Variants in FHAD1 observed in about 807,000 individuals in gnomAD.
FHAD1 encodes the protein forkhead associated phosphopeptide binding domain 1.
In FHAD1, 146 loss-of-function variants were observed where a neutral mutation model predicts 191.3. The ratio of observed to expected loss-of-function variants is 0.76; its 90% CI spans 0.67 to 0.88. FHAD1 has a LOEUF of 0.88. FHAD1 is among the 40% of genes least tolerant of loss of function. The probability of loss-of-function intolerance (pLI) is 0.00; values close to 1 mark genes in which losing one functional copy is unlikely to be tolerated. For missense variants in FHAD1, 1,635 were observed against 1,785.8 expected (o/e 0.92, Z 1.52); for synonymous variants, 616 against 672.3 (o/e 0.92, Z 1.29).
downstream of FHAD1, chr1:15,403,005 A>C (rs532433259): frequency 6.6e-6 from 1 of 152,344 alleles, no homozygotes; most frequent in East Asian, 1.9e-4. Context: ...TTTATTTATA[A>C]AAATAGGAAG....
In FHAD1 at chr1:15,276,225, C is replaced by T. The variant is rs183584954; in HGVS notation, c.300+3696C>T. On this transcript the variant is annotated intron_variant, in intron 3 of 33. Coordinates refer to ENST00000688493, the MANE Select transcript of FHAD1 (RefSeq NM_001391957.1). This position sits in a 1 kb window ranked among gnomAD's most constrained non-coding sequence, Gnocchi z 4.7. Reference sequence around the variant, plus strand: ...CATGTGGGGTTACTGTAGTAGTAAACGGGTCATTGTTTGCAAATTGCTTAG... The same window carrying T: ...CATGTGGGGTTACTGTAGTAGTAAATGGGTCATTGTTTGCAAATTGCTTAG... 3.3e-5 allele frequency among the ~76,000 whole-genome samples: 5 copies of T among 152,270 alleles called. No homozygotes were observed. The highest frequency in any genetic ancestry group is 1.9e-4 in the East Asian group (1 of 5,178).
intron 21 of FHAD1, 42 bp downstream of exon 21, chr1:15,358,325 A>G (rs1283845025): frequency 2.5e-5 from 38 of 1,507,056 alleles, no homozygotes; most frequent in Admixed American, 5.2e-5. Context: ...TTTTCTCTCA[A>G]TGGAAGATTA....
chr1:15,238,887 G>A (rs961064067), intron 1 of FHAD1, among the ~76,000 whole-genome samples: 7 of 152,204 alleles, frequency 4.6e-5, no homozygotes, highest in Non-Finnish European at 7.4e-5. Context: ...AGGTCTTCTT[G>A]GACAATAGTC....
At chr1:15,248,555 A>T (rs1646379410) in intron 1 of FHAD1, among the ~76,000 whole-genome samples, 1 of 151,184 alleles carries the variant, frequency 6.6e-6, no homozygotes, top group South Asian at 2.1e-4. Flanking sequence ...CCAGTGCCCA[A>T]CCTTTGCCCT....
In FHAD1 at chr1:15,374,452, G is replaced by C. The variant is rs550528496; in HGVS notation, c.3448-50G>C. 158 of 1,546,078 alleles carry C rather than the reference G, an allele frequency of 1.0e-4. No homozygotes were observed. The South Asian group carries it at 1.7e-3, about 17-fold the overall frequency. The stretch of plus-strand genomic sequence containing the variant: ...TGTTCACATTTCTGTGAATGTAAGA[G>C]AAATCTTCTAATCCCTGATCAAATG... On this transcript the variant is annotated intron_variant, in intron 26 of 33. Coordinates refer to ENST00000688493, the MANE Select transcript of FHAD1 (RefSeq NM_001391957.1).
intron 1 of FHAD1, among the ~76,000 whole-genome samples, chr1:15,237,344 T>C (rs1644890579): frequency 1.3e-5 from 2 of 152,122 alleles, no homozygotes; most frequent in Non-Finnish European, 2.9e-5. Context: ...TTGCGTAGCC[T>C]CCCTCATTCC....
chr1:15,258,714 C>T lies in FHAD1; in HGVS notation c.93+6837C>T, dbSNP rs567273816. On this transcript the variant is annotated intron_variant, in intron 2 of 33. Transcript: ENST00000688493. ...GATTCTCCTGCCTCAGCCTCCTGAG[C>T]AGCTGGGACTATAGGCATGTACCAC... is the stretch of plus-strand genomic sequence containing the variant. Among the ~76,000 whole-genome samples, 172 of 151,634 alleles carry T rather than the reference C, an allele frequency of 1.1e-3. 1 individual carries two copies. Among genetic ancestry groups the T allele is most frequent in the African/African-American group, 4.0e-3 (164 of 41,260 alleles).
In FHAD1 at chr1:15,345,098, A is replaced by G. The variant is rs765547587; in HGVS notation, c.2146A>G (p.Ile716Val). 2 of 1,551,622 alleles carry G rather than the reference A, an allele frequency of 1.3e-6. No homozygotes were observed. Among genetic ancestry groups the G allele is most frequent in the Non-Finnish European group, 8.7e-7 (1 of 1,146,894 alleles). Reference sequence around the variant, plus strand: ...TGGTTTCCAGGCTTTGGAGGAGTACATTACTCAAGAGAGAAACAGAGCGAA... The same window carrying G: ...TGGTTTCCAGGCTTTGGAGGAGTACGTTACTCAAGAGAGAAACAGAGCGAA... ...TEEKAALEEY[I>V]TQERNRAKET... The change falls in exon 17 of 34, where the codon ATT (isoleucine) becomes GTT (valine). Residue 716 changes from isoleucine to valine, a missense_variant. Ile to Val is a conservative substitution (Grantham distance 29, BLOSUM62 3). Transcript: ENST00000688493.
chr1:15,261,037 A>C (rs770590735), intron 2 of FHAD1, among the ~76,000 whole-genome samples: 5 of 152,188 alleles, frequency 3.3e-5, no homozygotes, highest in Non-Finnish European at 5.9e-5. Context: ...AGAGCTTTTC[A>C]GAGGAATCAG....
intron 20 of FHAD1, among the ~76,000 whole-genome samples, chr1:15,353,531 C>G (rs538115320): frequency 1.1e-3 from 163 of 151,672 alleles, no homozygotes; most frequent in African/African-American, 3.8e-3. Flanking sequence ...ATGGTGAAAC[C>G]CCATCTCTAC....
chr1:15,329,313 G>A lies in FHAD1; in HGVS notation c.1711-33G>A. On this transcript the variant is annotated intron_variant, in intron 13 of 33. Transcript: ENST00000688493. The surrounding 1 kb of genome is among the most constrained non-coding windows in gnomAD (Gnocchi z 5.0). ...GTCAGGGGCTATTTCTGGCCACAGGGCCTGGGCTCCTCATGATCTCACCTC... is the reference window on the plus strand; with the variant it reads ...GTCAGGGGCTATTTCTGGCCACAGGACCTGGGCTCCTCATGATCTCACCTC... 2 of 1,512,028 alleles carry A rather than the reference G, an allele frequency of 1.3e-6. No individual in the cohort carries two copies. Among genetic ancestry groups the A allele is most frequent in the Non-Finnish European group, 1.8e-6 (2 of 1,119,586 alleles). The allele number at this position is 1,512,028 out of a possible 1,614,324, so 93.7% of individuals were successfully genotyped here.
chr1:15,237,920 T>C (rs1011082786), intron 1 of FHAD1, among the ~76,000 whole-genome samples: 12 of 152,008 alleles, frequency 7.9e-5, no homozygotes, highest in Non-Finnish European at 1.6e-4. Context: ...CAGCGAGCGA[T>C]GGGGATGACC....
rs566817796 is a variant in FHAD1 at position 15,329,132 on chromosome 1, C to A, written c.1711-214C>A. 2.3e-6 allele frequency: 1 copy of A among 431,722 alleles called. No homozygotes were observed. Among genetic ancestry groups the A allele is most frequent in the Non-Finnish European group, 4.2e-6 (1 of 240,192 alleles). 26.7% of individuals were successfully genotyped at this position (431,722 alleles called of 1,614,324 possible). On this transcript the variant is annotated intron_variant, in intron 13 of 33. Coordinates refer to ENST00000688493, the MANE Select transcript of FHAD1 (RefSeq NM_001391957.1). The surrounding 1 kb of genome is among the most constrained non-coding windows in gnomAD (Gnocchi z 5.0). Reference sequence around the variant, plus strand: ...TTTCATAGACCTAAAAGGGGGTTCGCTTTGACCATCAAAAGTCCAAATTAG... The same window carrying A: ...TTTCATAGACCTAAAAGGGGGTTCGATTTGACCATCAAAAGTCCAAATTAG...
chr1:15,336,013 G>A (rs1683902436), intron 14 of FHAD1, among the ~76,000 whole-genome samples: 1 of 152,156 alleles, frequency 6.6e-6, no homozygotes, highest in African/African-American at 2.4e-5. Context: ...AGTGGGCCAA[G>A]CCAATGTCAG....
chr1:15,380,794 C>G lies in FHAD1; in HGVS notation c.3799C>G (p.Leu1267Val). The change falls in exon 29 of 34, where the codon CTG becomes GTG. Residue 1267 changes from leucine (L) to valine (V), a missense_variant and splice_region_variant. Leu to Val is a conservative substitution (Grantham distance 32, BLOSUM62 1). Transcript: ENST00000688493. The part of the protein sequence containing the change: ...VAEALELSEK[L>V]YLDMSKTLGS... ...TGAGGCTTTAGAGCTCAGTGAAAAG[C>G]TGGTATGTACATCCAGCATCCACCC... is the stretch of plus-strand genomic sequence containing the variant. 1 of 1,551,264 alleles carries G rather than the reference C, an allele frequency of 6.4e-7. No individual in the cohort carries two copies. The highest frequency in any genetic ancestry group is 1.2e-5 in the South Asian group (1 of 84,050).
At chr1:15,255,943 A>T (rs1246209729) in intron 2 of FHAD1, among the ~76,000 whole-genome samples, 1 of 150,068 alleles carries the variant, frequency 6.7e-6, no homozygotes, top group Non-Finnish European at 1.5e-5. Context: ...CAGCAAGTGG[A>T]AGGCCTGCCT....
At chr1:15,332,246 G>A (rs558578097) in intron 14 of FHAD1, among the ~76,000 whole-genome samples, 13 of 152,252 alleles carry the variant, frequency 8.5e-5, no homozygotes, top group Middle Eastern at 3.4e-3. Flanking sequence ...GTAAAACATG[G>A]AGCAGAGTTC....
At chr1:15,380,082 G>A (rs1044593866) in intron 28 of FHAD1, among the ~76,000 whole-genome samples, 2 of 152,168 alleles carry the variant, frequency 1.3e-5, no homozygotes, top group African/African-American at 4.8e-5. Flanking sequence ...AAAGGAGGGG[G>A]GATGTTTTCT....
chr1:15,341,671 TG>T, intron 15 of FHAD1, 64 bp from the exon 16 acceptor site: 1 of 1,359,270 alleles, frequency 7.4e-7, no homozygotes, highest in East Asian at 2.6e-5. Context: ...GGTAAACAAA[TG>T]GGGAAAGACT....
Sources: allele counts gnomAD v4.1 joint callset (sites outside exome capture counted in the v4.1 genomes callset), GRCh38; gene constraint gnomAD v4.1.1; non-coding constraint Gnocchi (gnomAD v3.1); transcripts MANE v1.5; gene names NCBI Gene and HGNC (gene_info 2026-07-23, HGNC 2026-07-21).